Variants in LIPA observed in about 807,000 individuals in gnomAD.
The protein encoded by LIPA is lipase A, lysosomal acid type, also known as lysosomal acid lipase/cholesteryl ester hydrolase.
A neutral mutation model predicts 40.6 loss-of-function variants in LIPA; 26 were observed. That is an observed-to-expected ratio of 0.64 (90% CI 0.47 to 0.89). LIPA has a LOEUF of 0.89. Ranked by LOEUF, LIPA falls within the 40% of genes least tolerant of loss-of-function variation. LIPA has a pLI of 0.00. For synonymous variants in LIPA, 188 were observed against 168.4 expected, an observed-to-expected ratio of 1.12 and a Z score of -0.90; for missense variants, 455 against 479.6, an observed-to-expected ratio of 0.95 and a Z score of 0.48.
intron 2 of LIPA, among the ~76,000 whole-genome samples, chr10:89,375,881 C>T (rs1011505843): frequency 6.6e-6 from 1 of 151,980 alleles, no homozygotes; most frequent in Non-Finnish European, 1.5e-5. Flanking sequence ...TAAATGATAT[C>T]CTGTGCTTGT....
intron 1 of LIPA, among the ~76,000 whole-genome samples, chr10:89,326,294 G>A (rs1292612292): frequency 6.6e-6 from 1 of 152,190 alleles, no homozygotes; most frequent in Non-Finnish European, 1.5e-5. Context: ...CAACAACATG[G>A]ATAGAAGTGG....
At chr10:89,218,712 T>C (rs1194654179) in intron 8 of LIPA, among the ~76,000 whole-genome samples, 1 of 152,186 alleles carries the variant, frequency 6.6e-6, no homozygotes, top group Non-Finnish European at 1.5e-5. Flanking sequence ...ACCCCGAGGA[T>C]GGCAGAGCTA....
At chr10:89,295,445 T>C (rs1344462493) in intron 1 of LIPA, among the ~76,000 whole-genome samples, 2 of 152,214 alleles carry the variant, frequency 1.3e-5, no homozygotes, top group African/African-American at 4.8e-5. Flanking sequence ...ATTCAATATA[T>C]TATTTGGTTC....
chr10:89,351,263 C>T (rs375727416), intron 2 of LIPA, among the ~76,000 whole-genome samples: 14 of 152,218 alleles, frequency 9.2e-5, no homozygotes, highest in Non-Finnish European at 7.3e-5. Context: ...CTACAGTCAG[C>T]TGTAATCATG....
At chr10:89,240,755 C>G (rs1437964756) in intron 3 of LIPA, among the ~76,000 whole-genome samples, 1 of 152,134 alleles carries the variant, frequency 6.6e-6, no homozygotes, top group Non-Finnish European at 1.5e-5. Context: ...CCACAGGAAG[C>G]ATTTAAGTTG....
chr10:89,395,520 C>T (rs899242276), intron 2 of LIPA, among the ~76,000 whole-genome samples: 5 of 152,064 alleles, frequency 3.3e-5, no homozygotes, highest in Non-Finnish European at 1.5e-5. Context: ...CTGACCAACA[C>T]ACTCAAACTC....
At chr10:89,380,202 T>A (rs1310123122) in intron 2 of LIPA, among the ~76,000 whole-genome samples, 1 of 152,132 alleles carries the variant, frequency 6.6e-6, no homozygotes, top group Non-Finnish European at 1.5e-5. Flanking sequence ...CTAAGGGGAA[T>A]CTGGACTATC....
At chr10:89,286,853 C>A (rs1589589101) in intron 1 of LIPA, among the ~76,000 whole-genome samples, 1 of 152,314 alleles carries the variant, frequency 6.6e-6, no homozygotes, top group Middle Eastern at 3.4e-3. Context: ...GTTGCAATTC[C>A]TTGCCTCCAC....
intron 1 of LIPA, among the ~76,000 whole-genome samples, chr10:89,259,304 T>TG (rs1487343367): frequency 2.8e-4 from 43 of 152,286 alleles, no homozygotes; most frequent in East Asian, 7.7e-4. Flanking sequence ...AGAAGATATA[T>TG]GGATGATGAA....
chr10:89,390,625 C>T (rs921804070), intron 2 of LIPA, among the ~76,000 whole-genome samples: 8 of 152,256 alleles, frequency 5.3e-5, no homozygotes, highest in Admixed American at 1.3e-4. Context: ...CACACACACG[C>T]GCGCGATTGG....
intron 1 of LIPA, among the ~76,000 whole-genome samples, chr10:89,267,514 G>A (rs1589583460): frequency 6.9e-6 from 1 of 145,838 alleles, no homozygotes; most frequent in East Asian, 2.0e-4. Context: ...TCACTCATAG[G>A]TGGGAATTGA....
intron 2 of LIPA, among the ~76,000 whole-genome samples, chr10:89,380,228 C>T (rs1844153287): frequency 6.6e-6 from 1 of 152,058 alleles, no homozygotes; most frequent in South Asian, 2.1e-4. Context: ...CTGAATAATG[C>T]CCACATCAAA....
intron 2 of LIPA, chr10:89,378,069 T>C (rs304504): frequency 0.52 from 822,696 of 1,580,038 alleles, 223,504 homozygotes; most frequent in African/African-American, 0.89. Context: ...ACTCTGTGGA[T>C]GAACCTTGAA....
intron 2 of LIPA, chr10:89,392,557 C>G: frequency 1.8e-6 from 1 of 562,546 alleles, no homozygotes; most frequent in Non-Finnish European, 3.0e-6. Context: ...CAAGGACACA[C>G]CCACAGCTTA....
chr10:89,308,961 T>C (rs570609258), intron 1 of LIPA: 1 of 152,352 alleles, frequency 6.6e-6, no homozygotes, highest in East Asian at 1.9e-4. Context: ...TGCTGTACTT[T>C]AAATCTTTCA....
chr10:89,284,284 A>C (rs1843329629), intron 1 of LIPA: 2 of 152,230 alleles, frequency 1.3e-5, no homozygotes, highest in Admixed American at 1.3e-4. Flanking sequence ...TTTCATTTGA[A>C]AGTCAGGAGC....
chr10:89,253,323 C>G (rs1279475568), upstream of LIPA, among the ~76,000 whole-genome samples: 2 of 152,138 alleles, frequency 1.3e-5, no homozygotes, highest in Non-Finnish European at 2.9e-5. Context: ...CTGGGGAGGC[C>G]TCACAATCAT....
chr10:89,313,310 C>T (rs1843525234), intron 1 of LIPA, among the ~76,000 whole-genome samples: 3 of 152,314 alleles, frequency 2.0e-5, no homozygotes, highest in Middle Eastern at 3.4e-3. Context: ...TTCCATTTTT[C>T]AGTTTATCCT....
upstream of LIPA, among the ~76,000 whole-genome samples, chr10:89,255,363 T>TCCCCTTATAAACCC (rs1843175750): frequency 6.6e-6 from 1 of 152,062 alleles, no homozygotes; most frequent in Non-Finnish European, 1.5e-5. Flanking sequence ...ACCCATCAGA[T>TCCCCTTATAAACCC]CTCATGAGAC....
Sources: allele counts gnomAD v4.1 joint callset (sites outside exome capture counted in the v4.1 genomes callset), GRCh38; gene constraint gnomAD v4.1.1; transcripts MANE v1.5; gene names NCBI Gene and HGNC (gene_info 2026-07-23, HGNC 2026-07-21).